Variants in TENM4 observed in about 807,000 individuals in gnomAD.
The protein encoded by TENM4 is teneurin transmembrane protein 4.
Under a neutral mutation model 243.3 loss-of-function variants are expected in TENM4, and 82 were observed. The ratio of observed to expected loss-of-function variants is 0.34; its 90% CI spans 0.28 to 0.40. The LOEUF (loss-of-function observed/expected upper bound fraction) is 0.40. Ranked by LOEUF, TENM4 falls within the 10% of genes least tolerant of loss-of-function variation. The probability of loss-of-function intolerance (pLI) is 1.00; values close to 1 mark genes in which losing one functional copy is unlikely to be tolerated. For missense variants in TENM4, 3,138 were observed against 3,673.3 expected, an observed-to-expected ratio of 0.85 and a Z score of 3.77; for synonymous variants, 1,412 against 1,456.3, an observed-to-expected ratio of 0.97 and a Z score of 0.69.
At chr11:78,665,961 C>A (rs551299656) in intron 32 of TENM4, among the ~76,000 whole-genome samples, 3 of 152,262 alleles carry the variant, frequency 2.0e-5, no homozygotes, top group African/African-American at 7.2e-5. Flanking sequence ...CTCTAGCCAC[C>A]AGTAAGTGCT....
chr11:79,062,795 A>C (rs1345094134), intron 6 of TENM4, among the ~76,000 whole-genome samples: 1 of 152,094 alleles, frequency 6.6e-6, no homozygotes, highest in Non-Finnish European at 1.5e-5. Flanking sequence ...GATGGCACAG[A>C]CCCTATTCTC....
intron 1 of TENM4, among the ~76,000 whole-genome samples, chr11:79,434,830 C>T (rs1206516191): frequency 1.3e-5 from 2 of 152,022 alleles, no homozygotes; most frequent in African/African-American, 2.4e-5. Context: ...CCCTGAAATG[C>T]TACTTTCTAG....
intron 6 of TENM4, among the ~76,000 whole-genome samples, chr11:79,033,368 T>G (rs991901262): frequency 1.3e-5 from 2 of 152,160 alleles, no homozygotes; most frequent in African/African-American, 4.8e-5. Flanking sequence ...AAGAATTAAG[T>G]TCTGTTTTCC....
At chr11:79,084,954 T>C (rs61573096) in intron 4 of TENM4, among the ~76,000 whole-genome samples, 33,566 of 152,150 alleles carry the variant, frequency 0.22, 3,859 homozygotes, top group Middle Eastern at 0.36. Context: ...ATCTGTTCTT[T>C]TGCTATAGTT....
intron 2 of TENM4, among the ~76,000 whole-genome samples, chr11:79,252,097 A>T (rs1565269295): frequency 1.3e-5 from 2 of 152,218 alleles, no homozygotes; most frequent in Admixed American, 1.3e-4. Context: ...AAGCTCTCGG[A>T]GTGTTGGTTT....
At chr11:78,728,402 T>C (rs1024826854) in intron 22 of TENM4, among the ~76,000 whole-genome samples, 12 of 152,136 alleles carry the variant, frequency 7.9e-5, no homozygotes, top group African/African-American at 2.4e-4. Flanking sequence ...GGGGCACACA[T>C]TGCCCACAGT....
At chr11:78,770,071 A>G (rs1856616467) in intron 18 of TENM4, among the ~76,000 whole-genome samples, 1 of 152,244 alleles carries the variant, frequency 6.6e-6, no homozygotes, top group Non-Finnish European at 1.5e-5. Flanking sequence ...GACTAAGCCA[A>G]TTGTTAGGCC....
At chr11:78,704,700 C>A (rs1859201070) in intron 27 of TENM4, among the ~76,000 whole-genome samples, 1 of 152,130 alleles carries the variant, frequency 6.6e-6, no homozygotes, top group African/African-American at 2.4e-5. Flanking sequence ...GCATATATAT[C>A]AAAATGTTAA....
chr11:78,950,768 C>T (rs1036152712), intron 6 of TENM4, among the ~76,000 whole-genome samples: 17 of 152,190 alleles, frequency 1.1e-4, no homozygotes, highest in Admixed American at 8.5e-4. Context: ...CCCTGTTTTA[C>T]ACATAAGGGA....
At chr11:78,868,635 C>A (rs545478055) in intron 9 of TENM4, among the ~76,000 whole-genome samples, 34 of 152,318 alleles carry the variant, frequency 2.2e-4, no homozygotes, top group Admixed American at 3.9e-4. Context: ...ATTGAAGGCT[C>A]CCCTCAGCAC....
Position 78,814,325 on chromosome 11 carries a change from G to T in TENM4, c.1752C>A (p.Phe584Leu). The change falls in exon 13 of 34, where the codon TTC becomes TTA. Residue 584 changes from phenylalanine to leucine, a missense_variant. Coordinates refer to ENST00000278550, the MANE Select transcript of TENM4 (RefSeq NM_001098816.3). The stretch of plus-strand genomic sequence containing the variant: ...CACAGTCGGGGCCCAGGAAACCCAG[G>T]AAGCAGTGGCAGGTCCCAGAGATGC... ...GDCISGTCHC[F>L]LGFLGPDCGR... 1 of 1,550,480 alleles carries T rather than the reference G, an allele frequency of 6.4e-7. No homozygotes were observed. Among genetic ancestry groups the T allele is most frequent in the Non-Finnish European group, 8.7e-7 (1 of 1,146,432 alleles).
chr11:79,096,121 G>C (rs1861069861), intron 4 of TENM4: 1 of 152,258 alleles, frequency 6.6e-6, no homozygotes, highest in Non-Finnish European at 1.5e-5. Flanking sequence ...CTTTCCACAA[G>C]TAATGCAACA....
chr11:78,977,367 G>GGT (rs1470321986), intron 6 of TENM4, among the ~76,000 whole-genome samples: 1 of 152,198 alleles, frequency 6.6e-6, no homozygotes, highest in Non-Finnish European at 1.5e-5. Flanking sequence ...AGGGCTGGGT[G>GGT]GTGGGTCAAT....
chr11:79,138,575 TTTATA>T (rs1266004224), intron 4 of TENM4, among the ~76,000 whole-genome samples: 1,727 of 90,686 alleles, frequency 0.019, 75 homozygotes, highest in East Asian at 0.029. Flanking sequence ...AAAACATATA[TTTATA>T]TAAATACATA....
intron 26 of TENM4, among the ~76,000 whole-genome samples, chr11:78,712,189 G>A (rs1297687719): frequency 2.0e-5 from 3 of 152,086 alleles, no homozygotes; most frequent in African/African-American, 7.2e-5. Flanking sequence ...ATGGAGAAAT[G>A]TTAATGATCT....
chr11:79,251,119 C>T (rs1202285089), intron 2 of TENM4, among the ~76,000 whole-genome samples: 1 of 152,080 alleles, frequency 6.6e-6, no homozygotes, highest in African/African-American at 2.4e-5. Flanking sequence ...GACACAGGCA[C>T]ACGTCTTAAT....
At chr11:79,305,964 A>G (rs1201220946) in intron 1 of TENM4, among the ~76,000 whole-genome samples, 1 of 152,220 alleles carries the variant, frequency 6.6e-6, no homozygotes, top group Non-Finnish European at 1.5e-5. Context: ...GGGTCCTTTC[A>G]GGAACCAACT....
intron 6 of TENM4, among the ~76,000 whole-genome samples, chr11:79,041,227 C>T (rs188342080): frequency 9.9e-5 from 15 of 152,220 alleles, no homozygotes; most frequent in African/African-American, 3.6e-4. Flanking sequence ...CTGCACCTGG[C>T]TAATTTTTGT....
intron 6 of TENM4, among the ~76,000 whole-genome samples, chr11:78,960,664 T>C (rs1345833997): frequency 2.6e-5 from 4 of 152,206 alleles, no homozygotes; most frequent in Non-Finnish European, 4.4e-5. Flanking sequence ...TCAAGTCCTG[T>C]AAGTGCCTCC....
Sources: allele counts gnomAD v4.1 joint callset (sites outside exome capture counted in the v4.1 genomes callset), GRCh38; gene constraint gnomAD v4.1.1; transcripts MANE v1.5; gene names NCBI Gene and HGNC (gene_info 2026-07-23, HGNC 2026-07-21).